MPI: variants seen among roughly 807,000 people sequenced by gnomAD.
MPI encodes the protein mannose phosphate isomerase.
In MPI, 33 loss-of-function variants were observed where a neutral mutation model predicts 40.1. That is an observed-to-expected ratio of 0.82 (90% CI 0.62 to 1.10). MPI has a LOEUF of 1.10. Among genes scored for constraint, MPI ranks in the 50% least tolerant of loss-of-function variants. The pLI is 0.00. For synonymous variants in MPI, 187 were observed against 207.4 expected (o/e 0.90, Z 0.85); for missense variants, 514 against 524.1 (o/e 0.98, Z 0.19).
At position 74,900,022 on chromosome 15, in the gene MPI, A is replaced by G. The variant is rs1439338696; in HGVS notation, c.*2292A>G. The G allele has an allele frequency of 1.3e-5, 2 of 152,262 alleles. No individual in the cohort carries two copies. The highest frequency in any genetic ancestry group is 2.9e-5 in the Non-Finnish European group (2 of 68,054). The allele number at this position is 152,262 out of a possible 1,614,324, so 9.4% of individuals were successfully genotyped here. A position where few individuals can be genotyped will look rare whatever the true frequency, so the allele number is the denominator to read the frequency against. On this transcript the variant is annotated 3_prime_UTR_variant, in exon 8 of 8. Coordinates refer to ENST00000352410, the MANE Select transcript of MPI (RefSeq NM_002435.3). ...TGATTGCATTTATTCTTATAAATGT[A>G]CAGAGCTGTAGAAGTGCAAGCCAAG...
At position 74,897,759 on chromosome 15, in the gene MPI, C is replaced by T; in HGVS notation, c.*29C>T. 2.5e-6 allele frequency: 4 copies of T among 1,605,552 alleles called. No homozygotes were observed. Among genetic ancestry groups the T allele is most frequent in the Non-Finnish European group, 3.4e-6 (4 of 1,173,378 alleles). ...CTGCAGCCTCCCCAGCTCTCCTCTGCCAGCCACCCTAAATTCCAGCCAACC... is the reference window on the plus strand; with the variant it reads ...CTGCAGCCTCCCCAGCTCTCCTCTGTCAGCCACCCTAAATTCCAGCCAACC... On this transcript the variant is annotated 3_prime_UTR_variant, in exon 8 of 8. Coordinates refer to ENST00000352410, the MANE Select transcript of MPI (RefSeq NM_002435.3).
rs1405523963 is a variant in MPI at position 74,898,019 on chromosome 15, A to G, written c.*289A>G. The G allele has an allele frequency of 2.3e-5, 11 of 482,458 alleles. No individual in the cohort carries two copies. Among genetic ancestry groups the G allele is most frequent in the African/African-American group, 2.1e-4 (11 of 51,198 alleles). The allele number at this position is 482,458 out of a possible 1,614,324, so 29.9% of individuals were successfully genotyped here. ...GCTCTTGCCAACTCTGTTCCAGCCT[A>G]TGGCTTTAGGCTAGCTGTTAAATAT... is the stretch of plus-strand genomic sequence containing the variant. On this transcript the variant is annotated 3_prime_UTR_variant, in exon 8 of 8. Coordinates refer to ENST00000352410, the MANE Select transcript of MPI (RefSeq NM_002435.3).
chr15:74,896,544 A>G, intron 6 of MPI: 1 of 687,506 alleles, frequency 1.5e-6, no homozygotes, highest in Non-Finnish European at 2.6e-6. Flanking sequence ...CTGTGATGCC[A>G]TGCTACTCTG....
intron 6 of MPI, chr15:74,896,656 T>A (rs2064822956): frequency 3.3e-6 from 2 of 609,428 alleles, no homozygotes; most frequent in Admixed American, 2.9e-5. Context: ...CTGTCCTACC[T>A]ACCAGGGATT....
Position 74,891,579 on chromosome 15 carries a change from G to C in MPI, c.345G>C (p.Lys115Asn). The C allele has an allele frequency of 6.2e-7, 1 of 1,614,124 alleles. No homozygotes were observed. Among genetic ancestry groups the C allele is most frequent in the Non-Finnish European group, 8.5e-7 (1 of 1,179,996 alleles). The change falls in exon 3 of 8, where the codon AAG (lysine) becomes AAC (asparagine). Residue 115 changes from lysine to asparagine, a missense_variant and splice_region_variant. Lys to Asn is a moderately conservative substitution (Grantham distance 94). Transcript: ENST00000352410. The part of the protein sequence containing the change: ...TPLSIQAHPN[K>N]ELAEKLHLQA... The stretch of plus-strand genomic sequence containing the variant: ...TGTCCATCCAGGCACACCCTAACAA[G>C]GTAAAGGACAGAGTGCGGTGCAGAG...
chr15:74,900,533 T>C lies in MPI; in HGVS notation c.*2803T>C, dbSNP rs989065502. ...CCTCCCAGCACACACTGGGTCCCTCTACCTGTGTTGCTGTCTTTCTTTACA... is the reference window on the plus strand; with the variant it reads ...CCTCCCAGCACACACTGGGTCCCTCCACCTGTGTTGCTGTCTTTCTTTACA... On this transcript the variant is annotated 3_prime_UTR_variant, in exon 8 of 8. Transcript: ENST00000352410. 1.3e-5 allele frequency: 2 copies of C among 152,312 alleles called. No homozygotes were observed. Among genetic ancestry groups the C allele is most frequent in the African/African-American group, 4.8e-5 (2 of 41,470 alleles). 9.4% of individuals were successfully genotyped at this position (152,312 alleles called of 1,614,324 possible). A position where few individuals can be genotyped will look rare whatever the true frequency, so the allele number is the denominator to read the frequency against.
chr15:74,896,081 T>C (rs2064813077), intron 5 of MPI, 71 bp from the exon 6 acceptor site: 1 of 1,582,694 alleles, frequency 6.3e-7, no homozygotes, highest in Admixed American at 1.7e-5. Flanking sequence ...TAGGACTCCC[T>C]GGCCAATGTG....
In MPI at chr15:74,901,069, ACT is replaced by A. The variant is rs2064936122; in HGVS notation, c.*3340_*3341del. ...CTCATGCCTCTGGTGGTCACAGGAC[ACT>A]GAGTAAAGCAAGAGACTGGATACTT... is the stretch of plus-strand genomic sequence containing the variant. On this transcript the variant is annotated 3_prime_UTR_variant, in exon 8 of 8. Coordinates refer to ENST00000352410, the MANE Select transcript of MPI (RefSeq NM_002435.3). 6.6e-6 allele frequency: 1 copy of A among 152,226 alleles called. No homozygotes were observed. The highest frequency in any genetic ancestry group is 2.4e-5 in the African/African-American group (1 of 41,442). 9.4% of individuals were successfully genotyped at this position (152,226 alleles called of 1,614,324 possible).
chr15:74,901,867 G>A lies in MPI; in HGVS notation c.*4137G>A. ...GGGTGAAGAAACTCACCCAGACCAAGGAAATACAAATAAATAAATATGAAC... is the reference window on the plus strand; with the variant it reads ...GGGTGAAGAAACTCACCCAGACCAAAGAAATACAAATAAATAAATATGAAC... On this transcript the variant is annotated 3_prime_UTR_variant, in exon 8 of 8. Transcript: ENST00000352410. 2 of 368,224 alleles carry A rather than the reference G, an allele frequency of 5.4e-6. No homozygotes were observed. The highest frequency in any genetic ancestry group is 9.6e-6 in the Non-Finnish European group (2 of 207,768). 22.8% of individuals were successfully genotyped at this position (368,224 alleles called of 1,614,324 possible). A position where few individuals can be genotyped will look rare whatever the true frequency, so the allele number is the denominator to read the frequency against.
chr15:74,897,359 CCTGT>C (rs1567269544), intron 7 of MPI, 140 bp downstream of exon 7: 3 of 1,312,174 alleles, frequency 2.3e-6, no homozygotes, highest in Non-Finnish European at 3.2e-6. Flanking sequence ...CCCATTCCTT[CCTGT>C]ACCAGGGACC....
At chr15:74,893,441 CT>C in intron 5 of MPI, 121 bp downstream of exon 5, 1 of 1,059,096 alleles carries the variant, frequency 9.4e-7, no homozygotes. Context: ...AGGGGCCCCA[CT>C]TAGATGACCT....
In MPI at chr15:74,897,897, C is replaced by T; in HGVS notation, c.*167C>T. The stretch of plus-strand genomic sequence containing the variant: ...GCGTGAAGGTAGTGACTCCTGAACA[C>T]ACCCAGGTGGAACCATCTTTGGGGA... On this transcript the variant is annotated 3_prime_UTR_variant, in exon 8 of 8. Coordinates refer to ENST00000352410, the MANE Select transcript of MPI (RefSeq NM_002435.3). The T allele has an allele frequency of 1.4e-6, 1 of 714,360 alleles. No individual in the cohort carries two copies. Among genetic ancestry groups the T allele is most frequent in the Non-Finnish European group, 2.5e-6 (1 of 401,412 alleles). The allele number at this position is 714,360 out of a possible 1,614,324, so 44.3% of individuals were successfully genotyped here.
intron 5 of MPI, chr15:74,893,752 C>T: frequency 2.5e-6 from 1 of 400,606 alleles, no homozygotes; most frequent in Non-Finnish European, 4.6e-6. Context: ...CTTCTGTGTG[C>T]CCAACCTTGT....
At chr15:74,891,670 C>A in intron 3 of MPI, 91 bp downstream of exon 3, 2 of 1,426,680 alleles carry the variant, frequency 1.4e-6, no homozygotes, top group East Asian at 2.3e-5. Context: ...TTACCCCACC[C>A]ATGCCAGGCT....
chr15:74,891,175 G>A (rs936866857), intron 2 of MPI: 3 of 637,342 alleles, frequency 4.7e-6, no homozygotes, highest in East Asian at 5.5e-5. Context: ...CTTCATAGAT[G>A]GCTAGAGGCC....
At chr15:74,896,016 G>A (rs1281710541) in intron 5 of MPI, 136 bp from the exon 6 acceptor site, 8 of 967,496 alleles carry the variant, frequency 8.3e-6, no homozygotes, top group Non-Finnish European at 1.1e-5. Context: ...TGGAGGCGTG[G>A]CCAGAAGGAC....
intron 5 of MPI, chr15:74,893,654 T>A: frequency 1.7e-6 from 1 of 589,510 alleles, no homozygotes; most frequent in Non-Finnish European, 3.0e-6. Context: ...ATCTCGGGGC[T>A]AAAGAGGCAG....
At chr15:74,894,952 T>C (rs1388480616) in intron 5 of MPI, among the ~76,000 whole-genome samples, 1 of 151,616 alleles carries the variant, frequency 6.6e-6, no homozygotes, top group Non-Finnish European at 1.5e-5. Flanking sequence ...CGAGAGAGAT[T>C]CTCTGAGACA....
chr15:74,890,567 G>A lies in MPI; in HGVS notation c.57G>A (p.Gly19=). The A allele has an allele frequency of 6.2e-7, 1 of 1,614,204 alleles. No homozygotes were observed. Among genetic ancestry groups the A allele is most frequent in the Non-Finnish European group, 8.5e-7 (1 of 1,180,036 alleles). Residue 19 remains glycine, a synonymous_variant, in exon 2 of 8, where the codon GGG becomes GGA. Transcript: ENST00000352410. ...GTGCGGTGCAGCAGTATGCCTGGGG[G>A]AAGATGGGTTCCAACAGCGAAGTGG... The part of the protein sequence containing the change: ...LSCAVQQYAW[G]KMGSNSEVAR...
Sources: allele counts gnomAD v4.1 joint callset (sites outside exome capture counted in the v4.1 genomes callset), GRCh38; gene constraint gnomAD v4.1.1; transcripts MANE v1.5; gene names NCBI Gene and HGNC (gene_info 2026-07-23, HGNC 2026-07-21).